Variants in CSMD3 observed in about 807,000 individuals in gnomAD.
CSMD3 encodes CUB and sushi domain-containing protein 3.
CSMD3 carries 177 observed loss-of-function variants against 435.2 expected under a neutral mutation model. The observed-to-expected ratio is 0.41, with a 90% CI of 0.36 to 0.46. CSMD3 has a LOEUF of 0.46. CSMD3 is among the 20% of genes least tolerant of loss of function. CSMD3 has a pLI of 0.34. For synonymous variants in CSMD3, 1,656 were observed against 1,520.5 expected (o/e 1.09, Z -2.07); for missense variants, 4,265 against 4,504.6 (o/e 0.95, Z 1.52).
chr8:112,673,461 C>T (rs1392852211), intron 16 of CSMD3, among the ~76,000 whole-genome samples: 3 of 151,840 alleles, frequency 2.0e-5, no homozygotes, highest in African/African-American at 4.8e-5. Context: ...CTTCAGGAGA[C>T]GTAGAATTTA....
intron 13 of CSMD3, among the ~76,000 whole-genome samples, chr8:112,786,300 A>C (rs1387489959): frequency 2.0e-5 from 3 of 152,068 alleles, no homozygotes; most frequent in African/African-American, 7.2e-5. Flanking sequence ...TAAAGGCTTA[A>C]ATTTAAGACC....
At chr8:112,241,127 T>C (rs1814093403) in intron 66 of CSMD3, among the ~76,000 whole-genome samples, 1 of 151,994 alleles carries the variant, frequency 6.6e-6, no homozygotes, top group South Asian at 2.1e-4. Context: ...GCTTATTATA[T>C]AATTATTTAA....
intron 25 of CSMD3, among the ~76,000 whole-genome samples, chr8:112,554,691 TG>T (rs1211184460): frequency 6.6e-6 from 1 of 151,942 alleles, no homozygotes; most frequent in Non-Finnish European, 1.5e-5. Context: ...GCTGTAGTAC[TG>T]GAGTTCATAT....
chr8:113,051,670 A>G (rs1228102899), intron 5 of CSMD3, among the ~76,000 whole-genome samples: 1 of 152,194 alleles, frequency 6.6e-6, no homozygotes, highest in Non-Finnish European at 1.5e-5. Context: ...CATTTGTGAT[A>G]AAGACACTAC....
chr8:112,482,856 C>T lies in CSMD3; in HGVS notation c.5278+9633G>A, dbSNP rs574374194. ...AATTTCCAGACTTTTTCAGAAACCA[C>T]CATTACTTTTAGGACAGTAAATGCA... is the stretch of plus-strand genomic sequence containing the variant. On this transcript the variant is annotated intron_variant, in intron 31 of 70. Coordinates refer to ENST00000297405, the MANE Select transcript of CSMD3 (RefSeq NM_198123.2). Among the ~76,000 whole-genome samples the T allele has an allele frequency of 1.2e-4, 18 of 152,240 alleles. No homozygotes were observed. In the South Asian group the frequency reaches 2.9e-3, roughly 25 times the overall value.
chr8:113,216,199 G>C (rs1267494734), intron 3 of CSMD3, among the ~76,000 whole-genome samples: 1 of 151,422 alleles, frequency 6.6e-6, no homozygotes. Flanking sequence ...TTATTGCTCA[G>C]TCATACAATT....
chr8:112,682,319 G>T, intron 16 of CSMD3, 123 bp downstream of exon 16: 1 of 817,012 alleles, frequency 1.2e-6, no homozygotes, highest in Non-Finnish European at 2.1e-6. Flanking sequence ...GTTTAATATA[G>T]AATATCAAGA....
At chr8:112,706,842 G>A (rs1267664536) in intron 13 of CSMD3, among the ~76,000 whole-genome samples, 1 of 151,962 alleles carries the variant, frequency 6.6e-6, no homozygotes, top group African/African-American at 2.4e-5. Flanking sequence ...TACTTTCTTA[G>A]GAGTTTATAA....
chr8:112,830,517 G>GA (rs1236705293), intron 11 of CSMD3, among the ~76,000 whole-genome samples: 2 of 151,808 alleles, frequency 1.3e-5, no homozygotes, highest in Non-Finnish European at 1.5e-5. Flanking sequence ...CTATAATATT[G>GA]AAAAAATGTA....
intron 28 of CSMD3, among the ~76,000 whole-genome samples, chr8:112,512,947 A>T (rs1823286169): frequency 6.6e-6 from 1 of 152,172 alleles, no homozygotes; most frequent in African/African-American, 2.4e-5. Context: ...TAAACCTTAC[A>T]AATCAACCTA....
At chr8:113,145,862 G>T (rs1288850279) in intron 4 of CSMD3, among the ~76,000 whole-genome samples, 4 of 151,310 alleles carry the variant, frequency 2.6e-5, no homozygotes, top group African/African-American at 9.7e-5. Flanking sequence ...GACTGCTGTT[G>T]GCCACACAGG....
At chr8:113,359,114 T>A (rs1487358995) in intron 1 of CSMD3, among the ~76,000 whole-genome samples, 1 of 152,182 alleles carries the variant, frequency 6.6e-6, no homozygotes, top group Non-Finnish European at 1.5e-5. Context: ...CCACAAATTT[T>A]AAAAAATAAT....
chr8:112,859,001 G>T (rs2080746790), intron 11 of CSMD3, 144 bp downstream of exon 11: 1 of 673,732 alleles, frequency 1.5e-6, no homozygotes, highest in Non-Finnish European at 2.5e-6. Context: ...TATAAATCTG[G>T]TTTATAAACT....
intron 5 of CSMD3, among the ~76,000 whole-genome samples, chr8:113,021,258 A>C (rs554092754): frequency 2.0e-5 from 3 of 152,188 alleles, no homozygotes; most frequent in Non-Finnish European, 4.4e-5. Flanking sequence ...CTCAAGTTTT[A>C]AAATTTGCTT....
At chr8:112,313,122 A>T (rs1822138966) in intron 49 of CSMD3, among the ~76,000 whole-genome samples, 1 of 152,182 alleles carries the variant, frequency 6.6e-6, no homozygotes, top group Admixed American at 6.5e-5. Context: ...CCTTCACATA[A>T]TAGAGGACTA....
intron 1 of CSMD3, among the ~76,000 whole-genome samples, chr8:113,399,595 A>G (rs2094500495): frequency 6.6e-6 from 1 of 152,000 alleles, no homozygotes; most frequent in African/African-American, 2.4e-5. Flanking sequence ...AGAATAGACA[A>G]CATATAGAGA....
At chr8:112,558,267 C>T (rs1828305626) in intron 24 of CSMD3, among the ~76,000 whole-genome samples, 1 of 151,714 alleles carries the variant, frequency 6.6e-6, no homozygotes, top group Admixed American at 6.6e-5. Flanking sequence ...GCCACAGAAC[C>T]TAGAAAGGTC....
chr8:113,177,471 T>C lies in CSMD3; in HGVS notation c.515-3555A>G, dbSNP rs530312843. Reference sequence around the variant, plus strand: ...TTACCAGCAGATGACAGTAATATATTGATTAAGAGGTTTAGGTGACTAACA... The same window carrying C: ...TTACCAGCAGATGACAGTAATATATCGATTAAGAGGTTTAGGTGACTAACA... On this transcript the variant is annotated intron_variant, in intron 3 of 70. Coordinates refer to ENST00000297405, the MANE Select transcript of CSMD3 (RefSeq NM_198123.2). Among the ~76,000 whole-genome samples the C allele has an allele frequency of 1.2e-4, 18 of 152,056 alleles. 1 individual carries two copies. Among genetic ancestry groups the C allele is most frequent in the Non-Finnish European group, 2.2e-4 (15 of 67,952 alleles).
chr8:112,415,209 G>A (rs1231347291), intron 32 of CSMD3, among the ~76,000 whole-genome samples: 1 of 152,186 alleles, frequency 6.6e-6, no homozygotes, highest in Non-Finnish European at 1.5e-5. Context: ...CTGGCTCAGG[G>A]CTCCCCTGCT....
Sources: allele counts gnomAD v4.1 joint callset (sites outside exome capture counted in the v4.1 genomes callset), GRCh38; gene constraint gnomAD v4.1.1; transcripts MANE v1.5; gene names NCBI Gene and HGNC (gene_info 2026-07-23, HGNC 2026-07-21).